Variants in KIRREL3 observed in about 807,000 individuals in gnomAD.
KIRREL3 encodes kirre like nephrin family adhesion molecule 3.
KIRREL3 carries 36 observed loss-of-function variants against 89.7 expected under a neutral mutation model. That is an observed-to-expected ratio of 0.40 (90% CI 0.31 to 0.53). The LOEUF is 0.53. Among genes scored for constraint, KIRREL3 ranks in the 20% least tolerant of loss-of-function variants. The pLI, the probability that KIRREL3 is intolerant of heterozygous loss-of-function variation, is 0.49. For synonymous variants in KIRREL3, 445 were observed against 441.4 expected (o/e 1.01, Z -0.10); for missense variants, 864 against 1,056.6 (o/e 0.82, Z 2.53).
intron 1 of KIRREL3, among the ~76,000 whole-genome samples, chr11:126,973,537 C>A (rs536742521): frequency 1.3e-5 from 2 of 152,306 alleles, no homozygotes; most frequent in African/African-American, 4.8e-5. Flanking sequence ...AAGAAAGTCA[C>A]TTCACCTCTC....
rs1937953530 is a variant in KIRREL3, at chr11:126,537,029, C to T, written c.134-10342G>A. Among the ~76,000 whole-genome samples the T allele has an allele frequency of 6.6e-6, 1 of 152,194 alleles. No individual in the cohort carries two copies. ...GCTCAAGGGTGGGCTCAATCCCTGC[C>T]TCCCCTTTCTCCACTGGTTATTTGG... On this transcript the variant is annotated intron_variant, in intron 2 of 16. Transcript: ENST00000525144. The surrounding 1 kb of genome is among the most constrained non-coding windows in gnomAD (Gnocchi z 4.3).
In KIRREL3 at chr11:126,520,065, C is replaced by T. The variant is rs578161127; in HGVS notation, c.433+1250G>A. ...CCCCGCATCTCAAGAAGTCAAGCTC[C>T]GAGCTTGGTAAGTGGTCCTCCGGGG... On this transcript the variant is annotated intron_variant, in intron 4 of 16. Transcript: ENST00000525144. The surrounding 1 kb of genome is among the most constrained non-coding windows in gnomAD (Gnocchi z 4.9). Among the ~76,000 whole-genome samples, 2 of 152,282 alleles carry T rather than the reference C, an allele frequency of 1.3e-5. No individual in the cohort carries two copies. The highest frequency in any genetic ancestry group is 2.4e-5 in the African/African-American group (1 of 41,554).
chr11:126,858,612 T>C (rs918290401), intron 1 of KIRREL3, among the ~76,000 whole-genome samples: 8 of 152,210 alleles, frequency 5.3e-5, no homozygotes, highest in Non-Finnish European at 1.0e-4. Flanking sequence ...TATTTTGGCT[T>C]TGATCTCATA....
rs1448513059 is a variant in KIRREL3, at chr11:126,811,438, G to A, written c.55+189017C>T. On this transcript the variant is annotated intron_variant, in intron 1 of 16. Transcript: ENST00000525144. The surrounding 1 kb of genome is among the most constrained non-coding windows in gnomAD (Gnocchi z 4.3). ...TGCTGCATCCCTAGAACCCTGAAAA[G>A]TGTCTAGCACATAGAGTATTCTCAT... Among the ~76,000 whole-genome samples the A allele has an allele frequency of 2.0e-5, 3 of 152,184 alleles. No individual in the cohort carries two copies. The highest frequency in any genetic ancestry group is 7.2e-5 in the African/African-American group (3 of 41,454).
rs1200838715 is a variant in KIRREL3, at chr11:126,969,255, C to G, written c.55+31200G>C. On this transcript the variant is annotated intron_variant, in intron 1 of 16. Transcript: ENST00000525144. The surrounding 1 kb of genome is among the most constrained non-coding windows in gnomAD (Gnocchi z 4.9). ...TTACTGACACAATAGACATGGAGTGCCTCCCATGGACACAGGGAATGAAGG... is the reference window on the plus strand; with the variant it reads ...TTACTGACACAATAGACATGGAGTGGCTCCCATGGACACAGGGAATGAAGG... 1.3e-5 allele frequency among the ~76,000 whole-genome samples: 2 copies of G among 152,120 alleles called. No individual in the cohort carries two copies. The highest frequency in any genetic ancestry group is 2.9e-5 in the Non-Finnish European group (2 of 68,004).
intron 7 of KIRREL3, among the ~76,000 whole-genome samples, chr11:126,450,519 G>A (rs1166352624): frequency 6.6e-6 from 1 of 150,966 alleles, no homozygotes; most frequent in African/African-American, 2.4e-5. Context: ...GTGTGTGTGT[G>A]CATCTGCGTA....
rs1478817227 is a variant in KIRREL3, at chr11:126,642,816, A to C, written c.56-79904T>G. Among the ~76,000 whole-genome samples, 2 of 152,206 alleles carry C rather than the reference A, an allele frequency of 1.3e-5. No individual in the cohort carries two copies. The highest frequency in any genetic ancestry group is 3.9e-4 in the East Asian group (2 of 5,190). ...CAAGGGTTATGATTTTGTATGTGCA[A>C]AATTCTGAACTGTACATCCAGTTGA... On this transcript the variant is annotated intron_variant, in intron 1 of 16. Coordinates refer to ENST00000525144, the MANE Select transcript of KIRREL3 (RefSeq NM_032531.4). The surrounding 1 kb of genome is among the most constrained non-coding windows in gnomAD (Gnocchi z 4.9).
chr11:126,859,601 A>C (rs1944643422), intron 1 of KIRREL3, among the ~76,000 whole-genome samples: 1 of 152,190 alleles, frequency 6.6e-6, no homozygotes, highest in African/African-American at 2.4e-5. Flanking sequence ...CACACACATA[A>C]ACACTCATGG....
rs1189008996 is a variant in KIRREL3 at position 126,558,947 on chromosome 11, G to A, written c.133+3888C>T. On this transcript the variant is annotated intron_variant, in intron 2 of 16. Coordinates refer to ENST00000525144, the MANE Select transcript of KIRREL3 (RefSeq NM_032531.4). This position sits in a 1 kb window ranked among gnomAD's most constrained non-coding sequence, Gnocchi z 4.0. ...TGTGTATGTGTGTGTGCATGCTCAT[G>A]TGTGTGTTGGAGATGTGGCTGAGGA... Among the ~76,000 whole-genome samples, 2 of 152,176 alleles carry A rather than the reference G, an allele frequency of 1.3e-5. No individual in the cohort carries two copies. The highest frequency in any genetic ancestry group is 2.9e-5 in the Non-Finnish European group (2 of 68,026).
intron 1 of KIRREL3, among the ~76,000 whole-genome samples, chr11:126,701,822 C>T (rs2134119536): frequency 6.6e-6 from 1 of 152,242 alleles, no homozygotes; most frequent in East Asian, 1.9e-4. Flanking sequence ...CTCAGGTTTT[C>T]CATCTGTAAA....
chr11:126,910,213 G>T (rs966333229), intron 1 of KIRREL3, among the ~76,000 whole-genome samples: 3 of 152,118 alleles, frequency 2.0e-5, no homozygotes, highest in African/African-American at 4.8e-5. Flanking sequence ...CCTGGAGGAG[G>T]TGGACTTTGA....
In KIRREL3 at chr11:126,811,798, G is replaced by A. The variant is rs1300616383; in HGVS notation, c.55+188657C>T. ...GATGGGGTTGCACTATATTGGCCAG[G>A]CTAGTCTCAAACTCCTGAACTCGGG... On this transcript the variant is annotated intron_variant, in intron 1 of 16. Coordinates refer to ENST00000525144, the MANE Select transcript of KIRREL3 (RefSeq NM_032531.4). This position sits in a 1 kb window ranked among gnomAD's most constrained non-coding sequence, Gnocchi z 4.3. Among the ~76,000 whole-genome samples the A allele has an allele frequency of 1.3e-5, 2 of 152,114 alleles. No homozygotes were observed. The highest frequency in any genetic ancestry group is 1.5e-5 in the Non-Finnish European group (1 of 68,020).
rs1565362680 is a variant in KIRREL3, at chr11:126,863,404, TGAG to T, written c.55+137048_55+137050del. ...GTGTTTGAGTGCGTGTGTGAGTGCG[TGAG>T]TGCGTGTGTGAGCGCATGTGTGTGA... On this transcript the variant is annotated intron_variant, in intron 1 of 16. Coordinates refer to ENST00000525144, the MANE Select transcript of KIRREL3 (RefSeq NM_032531.4). Among the ~76,000 whole-genome samples the T allele has an allele frequency of 2.6e-4, 7 of 27,166 alleles. 1 individual carries two copies. The East Asian group carries it at 5.4e-3, about 21-fold the overall frequency. The allele number at this position is 27,166 out of a possible 152,430, so 17.8% of individuals were successfully genotyped here.
In KIRREL3 at chr11:126,454,183, G is replaced by C. The variant is rs920211244; in HGVS notation, c.848+2166C>G. On this transcript the variant is annotated intron_variant, in intron 7 of 16. Transcript: ENST00000525144. This position sits in a 1 kb window ranked among gnomAD's most constrained non-coding sequence, Gnocchi z 5.8. The stretch of plus-strand genomic sequence containing the variant: ...CCACCTTCTTCTCTTTCCTATTATT[G>C]CTGTTCTGCTTTTTTGAGGTTGGTG... Among the ~76,000 whole-genome samples, 1 of 152,040 alleles carries C rather than the reference G, an allele frequency of 6.6e-6. No homozygotes were observed. Among genetic ancestry groups the C allele is most frequent in the Non-Finnish European group, 1.5e-5 (1 of 68,024 alleles).
At position 126,441,613 on chromosome 11, in the gene KIRREL3, G is replaced by A. The variant is rs571576809; in HGVS notation, c.1253-1064C>T. ...CAGAGGAAAGACAGCCGGGAGCAAC[G>A]CATCTGGAGAACACACAGAATTATG... On this transcript the variant is annotated intron_variant, in intron 10 of 16. Coordinates refer to ENST00000525144, the MANE Select transcript of KIRREL3 (RefSeq NM_032531.4). The surrounding 1 kb of genome is among the most constrained non-coding windows in gnomAD (Gnocchi z 5.0). 3.3e-5 allele frequency among the ~76,000 whole-genome samples: 5 copies of A among 152,320 alleles called. No individual in the cohort carries two copies. Among genetic ancestry groups the A allele is most frequent in the East Asian group, 1.9e-4 (1 of 5,188 alleles).
rs1946511159 is a variant in KIRREL3 at position 126,904,839 on chromosome 11, T to C, written c.55+95616A>G. ...ATGCTATTCCTCAGAGACATTAAGATCCCAGAGAAGAGAAACTGTAAAAAT... is the reference window on the plus strand; with the variant it reads ...ATGCTATTCCTCAGAGACATTAAGACCCCAGAGAAGAGAAACTGTAAAAAT... On this transcript the variant is annotated intron_variant, in intron 1 of 16. Coordinates refer to ENST00000525144, the MANE Select transcript of KIRREL3 (RefSeq NM_032531.4). The surrounding 1 kb of genome is among the most constrained non-coding windows in gnomAD (Gnocchi z 4.4). Among the ~76,000 whole-genome samples the C allele has an allele frequency of 6.6e-6, 1 of 152,188 alleles. No homozygotes were observed. The highest frequency in any genetic ancestry group is 2.1e-4 in the South Asian group (1 of 4,830).
intron 6 of KIRREL3, among the ~76,000 whole-genome samples, chr11:126,461,346 C>T (rs1361085339): frequency 1.3e-5 from 2 of 152,244 alleles, no homozygotes; most frequent in African/African-American, 4.8e-5. Flanking sequence ...AGCCGAGGGT[C>T]GGAGATTAAG....
At chr11:126,787,919 T>C (rs1377364909) in intron 1 of KIRREL3, among the ~76,000 whole-genome samples, 1 of 152,212 alleles carries the variant, frequency 6.6e-6, no homozygotes, top group Non-Finnish European at 1.5e-5. Context: ...ATTTATCAAA[T>C]ATCTATTATG....
In KIRREL3 at chr11:126,432,643, T is replaced by C. The variant is rs892301662; in HGVS notation, c.1589-1117A>G. Among the ~76,000 whole-genome samples the C allele has an allele frequency of 6.6e-6, 1 of 151,630 alleles. No homozygotes were observed. On this transcript the variant is annotated intron_variant, in intron 13 of 16. Transcript: ENST00000525144. The surrounding 1 kb of genome is among the most constrained non-coding windows in gnomAD (Gnocchi z 6.2). Reference sequence around the variant, plus strand: ...GACATGTGAGATCCCCCACATCTCATGTGCTCGGTACCGCCCAGACTGCTG... The same window carrying C: ...GACATGTGAGATCCCCCACATCTCACGTGCTCGGTACCGCCCAGACTGCTG...
Sources: gnomAD v4.1 joint callset for allele counts (sites outside exome capture counted in the v4.1 genomes callset) on GRCh38, gnomAD v4.1.1 for gene constraint, Gnocchi (gnomAD v3.1) non-coding constraint, MANE v1.5 for transcripts, NCBI Gene and HGNC (gene_info 2026-07-23, HGNC 2026-07-21) for gene names.